Variants in FARS2 observed in about 807,000 individuals in gnomAD.
FARS2 encodes phenylalanine--tRNA ligase, mitochondrial.
In FARS2, 40 loss-of-function variants were observed where a neutral mutation model predicts 46.4. The observed-to-expected ratio is 0.86, with a 90% CI of 0.67 to 1.12. The LOEUF is 1.12. Ranked by LOEUF, FARS2 falls within the 50% of genes most tolerant of loss-of-function variation. The pLI is 0.00. For missense variants in FARS2, 513 were observed against 567.9 expected (o/e 0.90, Z 0.98); for synonymous variants, 234 against 214.9 (o/e 1.09, Z -0.78).
chr6:5,545,375 T>C (rs1770907874), intron 5 of FARS2, 35 bp downstream of exon 5: 1 of 1,527,448 alleles, frequency 6.5e-7, no homozygotes, highest in African/African-American at 1.4e-5. Flanking sequence ...TAGATAATAA[T>C]AAAAATGGCT....
chr6:5,496,685 G>C (rs1038379283), intron 4 of FARS2, among the ~76,000 whole-genome samples: 1 of 151,974 alleles, frequency 6.6e-6, no homozygotes, highest in Non-Finnish European at 1.5e-5. Context: ...TCTTCTTCTT[G>C]TAAGGACATC....
rs567053742 is a variant in FARS2, at chr6:5,393,394, C to T, written c.613-11148C>T. Among the ~76,000 whole-genome samples, 7 of 152,138 alleles carry T rather than the reference C, an allele frequency of 4.6e-5. No homozygotes were observed. The South Asian group carries it at 6.2e-4, about 14-fold the overall frequency. On this transcript the variant is annotated intron_variant, in intron 2 of 6. Transcript: ENST00000274680. ...TGCTTTGGCCGGGCATGGTGGCTAA[C>T]GCCTGTAATCCCAGCTCTTTGGGAG...
intron 4 of FARS2, among the ~76,000 whole-genome samples, chr6:5,494,596 G>T (rs1767336761): frequency 6.6e-6 from 1 of 152,136 alleles, no homozygotes; most frequent in Non-Finnish European, 1.5e-5. Context: ...CCATTATTAG[G>T]TTCATGCCCA....
At chr6:5,571,433 A>C (rs949133478) in intron 5 of FARS2, among the ~76,000 whole-genome samples, 1 of 152,232 alleles carries the variant, frequency 6.6e-6, no homozygotes, top group African/African-American at 2.4e-5. Flanking sequence ...AGCCTCACCA[A>C]CGCACGTGGA....
At chr6:5,614,504 G>A (rs1467213251) in intron 6 of FARS2, among the ~76,000 whole-genome samples, 1 of 151,378 alleles carries the variant, frequency 6.6e-6, no homozygotes, top group African/African-American at 2.4e-5. Context: ...CCGCCTCCCA[G>A]GTTCACGCCG....
intron 5 of FARS2, among the ~76,000 whole-genome samples, chr6:5,567,633 A>C (rs530222320): frequency 6.6e-6 from 1 of 152,350 alleles, no homozygotes; most frequent in South Asian, 2.1e-4. Flanking sequence ...CTACATGTTA[A>C]GATTCCTAAG....
At chr6:5,253,688 CCAATTGAGAG>C in the FARS2 span, among the ~76,000 whole-genome samples, 1 of 152,000 alleles carries the variant, frequency 6.6e-6, no homozygotes, top group Non-Finnish European at 1.5e-5. Flanking sequence ...TTGTCACCGA[CCAATTGAGAG>C]CAATCATGGA....
At chr6:5,593,085 G>A (rs1045356601) in intron 5 of FARS2, among the ~76,000 whole-genome samples, 1 of 152,140 alleles carries the variant, frequency 6.6e-6, no homozygotes, top group African/African-American at 2.4e-5. Flanking sequence ...ACTAGAAAGG[G>A]TGAGCCGACC....
intron 4 of FARS2, among the ~76,000 whole-genome samples, chr6:5,442,479 A>G (rs938047682): frequency 4.6e-5 from 7 of 152,044 alleles, no homozygotes; most frequent in Middle Eastern, 3.4e-3. Context: ...ATCATTCTCC[A>G]AAAAAGTCAC....
At chr6:5,655,571 C>G (rs1777569104) in intron 6 of FARS2, among the ~76,000 whole-genome samples, 1 of 152,218 alleles carries the variant, frequency 6.6e-6, no homozygotes, top group African/African-American at 2.4e-5. Flanking sequence ...CTAGCGGTCC[C>G]TGCATCCTTT....
chr6:5,500,735 A>ATTT (rs112735671), intron 4 of FARS2, among the ~76,000 whole-genome samples: 1 of 147,110 alleles, frequency 6.8e-6, no homozygotes, highest in East Asian at 2.0e-4. Flanking sequence ...GCTACCTTAC[A>ATTT]TTTTTTTTTT....
In FARS2 at chr6:5,495,205, G is replaced by A. The variant is rs141796846; in HGVS notation, c.905-49975G>A. On this transcript the variant is annotated intron_variant, in intron 4 of 6. Transcript: ENST00000274680. ...GTTAAACCCTGTGAAAACTGTAGCC[G>A]CCTGAAATTATAATGCACATTTTTG... Among the ~76,000 whole-genome samples, 673 of 152,312 alleles carry A rather than the reference G, an allele frequency of 4.4e-3. 13 individuals carry two copies. Among genetic ancestry groups the A allele is most frequent in the Admixed American group, 0.039 (596 of 15,298 alleles).
At chr6:5,415,106 C>T (rs568694262) in intron 3 of FARS2, among the ~76,000 whole-genome samples, 2 of 151,744 alleles carry the variant, frequency 1.3e-5, no homozygotes, top group South Asian at 2.1e-4. Flanking sequence ...CGTGAGCCAC[C>T]GCACCCGGCC....
At chr6:5,325,333 C>A (rs1317784226) in intron 1 of FARS2, among the ~76,000 whole-genome samples, 2 of 152,224 alleles carry the variant, frequency 1.3e-5, no homozygotes, top group African/African-American at 4.8e-5. Context: ...AGCAATGCAT[C>A]ACTAATTTTG....
intron 4 of FARS2, among the ~76,000 whole-genome samples, chr6:5,476,955 CT>C (rs1766159584): frequency 6.6e-6 from 1 of 152,178 alleles, no homozygotes; most frequent in African/African-American, 2.4e-5. Flanking sequence ...CAGTGTGGAG[CT>C]CTAGCTGGTA....
chr6:5,308,845 G>T (rs982876191), intron 1 of FARS2, among the ~76,000 whole-genome samples: 4 of 152,134 alleles, frequency 2.6e-5, no homozygotes, highest in Non-Finnish European at 1.5e-5. Flanking sequence ...CTCAAGGCTG[G>T]GGAGTCCAAG....
chr6:5,623,711 C>CAA (rs200176209), intron 6 of FARS2, among the ~76,000 whole-genome samples: 131 of 122,716 alleles, frequency 1.1e-3, no homozygotes, highest in Non-Finnish European at 1.4e-3. Context: ...GACTGTGTCT[C>CAA]AAAAAAAATA....
upstream of FARS2, among the ~76,000 whole-genome samples, chr6:5,256,469 A>G (rs144739564): frequency 0.013 from 1,566 of 120,100 alleles, 67 homozygotes; most frequent in African/African-American, 0.047. Context: ...CAGCCTGGGC[A>G]ACAAGGGCAA....
intron 1 of FARS2, among the ~76,000 whole-genome samples, chr6:5,279,430 T>C (rs981451812): frequency 6.9e-6 from 1 of 144,936 alleles, no homozygotes; most frequent in Admixed American, 6.8e-5. Context: ...GAGTTGAAAA[T>C]GCAGTGAGAA....
Sources: gnomAD v4.1 joint callset for allele counts (sites outside exome capture counted in the v4.1 genomes callset) on GRCh38, gnomAD v4.1.1 for gene constraint, MANE v1.5 for transcripts, NCBI Gene and HGNC (gene_info 2026-07-23, HGNC 2026-07-21) for gene names.